Variants in LINGO2 observed in about 807,000 individuals in gnomAD.
LINGO2 encodes the protein leucine-rich repeat and immunoglobulin-like domain-containing nogo receptor-interacting protein 2.
LINGO2 carries 14 observed loss-of-function variants against 30.6 expected under a neutral mutation model. That is an observed-to-expected ratio of 0.46 (90% confidence interval 0.30 to 0.72). The LOEUF is 0.72. LINGO2 is among the 30% of genes least tolerant of loss of function. The pLI is 0.07. For missense variants in LINGO2, 729 were observed against 751.7 expected (o/e 0.97, Z 0.35); for synonymous variants, 317 against 288.5 (o/e 1.10, Z -1.00).
At chr9:28,602,168 A>G (rs976306147) in intron 1 of LINGO2, among the ~76,000 whole-genome samples, 1 of 152,054 alleles carries the variant, frequency 6.6e-6, no homozygotes, top group Non-Finnish European at 1.5e-5. Flanking sequence ...TGTGTAGAAT[A>G]TATTGCATCT....
the LINGO2 span, among the ~76,000 whole-genome samples, chr9:29,135,491 G>C: frequency 1.3e-5 from 2 of 150,992 alleles, no homozygotes; most frequent in African/African-American, 4.9e-5. Context: ...CCAGGAGATG[G>C]AGCTTGCAGT....
intron 4 of LINGO2, among the ~76,000 whole-genome samples, chr9:28,029,805 C>A (rs1295674680): frequency 2.0e-5 from 3 of 152,164 alleles, no homozygotes; most frequent in South Asian, 2.1e-4. Context: ...CTGGCATGTA[C>A]AAATTCTTCA....
chr9:28,187,379 A>G (rs1006568989), intron 4 of LINGO2, among the ~76,000 whole-genome samples: 11 of 151,880 alleles, frequency 7.2e-5, no homozygotes, highest in African/African-American at 2.7e-4. Flanking sequence ...ATTCAAAGCT[A>G]CTTGAGAGGC....
intron 2 of LINGO2, among the ~76,000 whole-genome samples, chr9:28,426,081 G>A (rs1008521416): frequency 1.3e-5 from 2 of 151,948 alleles, no homozygotes; most frequent in African/African-American, 4.8e-5. Context: ...ACTGAAATCA[G>A]CTACTTAAAA....
intron 4 of LINGO2, among the ~76,000 whole-genome samples, chr9:28,095,634 C>T (rs947541146): frequency 6.6e-6 from 1 of 151,976 alleles, no homozygotes; most frequent in Non-Finnish European, 1.5e-5. Flanking sequence ...CATTACCATT[C>T]AGGACATAGG....
chr9:29,206,102 C>T, the LINGO2 span, among the ~76,000 whole-genome samples: 3 of 152,006 alleles, frequency 2.0e-5, no homozygotes, highest in Admixed American at 2.0e-4. Flanking sequence ...TATGGATATA[C>T]CTTATTTATC....
At chr9:28,039,890 C>T (rs972286849) in intron 4 of LINGO2, among the ~76,000 whole-genome samples, 4 of 152,120 alleles carry the variant, frequency 2.6e-5, no homozygotes, top group African/African-American at 9.7e-5. Context: ...TGACCCACCC[C>T]CTTGTGAGAT....
intron 3 of LINGO2, among the ~76,000 whole-genome samples, chr9:28,324,800 A>G (rs1825167799): frequency 6.6e-6 from 1 of 152,088 alleles, no homozygotes; most frequent in Non-Finnish European, 1.5e-5. Flanking sequence ...CAAGAAGTAA[A>G]AATACATATA....
At chr9:28,736,761 G>T in the LINGO2 span, among the ~76,000 whole-genome samples, 1 of 152,156 alleles carries the variant, frequency 6.6e-6, no homozygotes, top group Non-Finnish European at 1.5e-5. Context: ...CTGCACTCCA[G>T]CCTGGGCAAC....
the LINGO2 span, among the ~76,000 whole-genome samples, chr9:29,207,480 T>C: frequency 6.6e-6 from 1 of 152,226 alleles, no homozygotes; most frequent in Non-Finnish European, 1.5e-5. Flanking sequence ...TCACAAACTC[T>C]ATGGTGCTAC....
chr9:28,414,917 A>T (rs10757739), intron 2 of LINGO2, among the ~76,000 whole-genome samples: 1 of 151,832 alleles, frequency 6.6e-6, no homozygotes, highest in African/African-American at 2.4e-5. Context: ...ACTGAAAACA[A>T]GTCCAGAGTT....
the LINGO2 span, among the ~76,000 whole-genome samples, chr9:28,710,029 A>T: frequency 6.6e-6 from 1 of 151,178 alleles, no homozygotes; most frequent in Non-Finnish European, 1.5e-5. Flanking sequence ...CCAAACTGAA[A>T]TATACATCTC....
At chr9:28,732,565 C>T in the LINGO2 span, among the ~76,000 whole-genome samples, 1 of 151,380 alleles carries the variant, frequency 6.6e-6, no homozygotes, top group East Asian at 1.9e-4. Flanking sequence ...AGAAGGAGAA[C>T]ATAAACCATA....
At chr9:28,726,993 A>G in the LINGO2 span, among the ~76,000 whole-genome samples, 1 of 152,122 alleles carries the variant, frequency 6.6e-6, no homozygotes, top group Non-Finnish European at 1.5e-5. Flanking sequence ...GAGGAGAGTG[A>G]GCATTTTGAC....
intron 4 of LINGO2, among the ~76,000 whole-genome samples, chr9:28,087,070 C>G (rs540209624): frequency 6.6e-6 from 1 of 152,228 alleles, no homozygotes; most frequent in South Asian, 2.1e-4. Flanking sequence ...TACCTTTGGA[C>G]AAGTCCAGAC....
intron 4 of LINGO2, among the ~76,000 whole-genome samples, chr9:28,035,089 A>C (rs1055350057): frequency 6.6e-6 from 1 of 152,356 alleles, no homozygotes; most frequent in African/African-American, 2.4e-5. Flanking sequence ...TTTCTAAAAA[A>C]CCAAAAATTA....
At chr9:28,503,884 A>T (rs531642403) in intron 1 of LINGO2, among the ~76,000 whole-genome samples, 2 of 152,008 alleles carry the variant, frequency 1.3e-5, no homozygotes, top group Admixed American at 6.6e-5. Flanking sequence ...AAAATAAAAA[A>T]CCAGACAGAT....
intron 3 of LINGO2, among the ~76,000 whole-genome samples, chr9:28,353,735 A>G (rs1820025369): frequency 6.6e-6 from 1 of 152,168 alleles, no homozygotes; most frequent in Non-Finnish European, 1.5e-5. Flanking sequence ...TCACAATAGC[A>G]AAGACTTGGA....
chr9:28,783,888 T>C, the LINGO2 span, among the ~76,000 whole-genome samples: 21 of 152,318 alleles, frequency 1.4e-4, no homozygotes, highest in South Asian at 4.1e-4. Context: ...TCTTGGTGGA[T>C]TGCAGATGGT....
Sources: gnomAD v4.1 joint callset for allele counts (sites outside exome capture counted in the v4.1 genomes callset) on GRCh38, gnomAD v4.1.1 for gene constraint, MANE v1.5 for transcripts, NCBI Gene and HGNC (gene_info 2026-07-23, HGNC 2026-07-21) for gene names.